SLC9A9: variants seen among roughly 807,000 people sequenced by gnomAD.
The protein encoded by SLC9A9 is solute carrier family 9 member A9, also known as sodium/hydrogen exchanger 9.
Under a neutral mutation model 77.8 loss-of-function variants are expected in SLC9A9, and 62 were observed. The observed-to-expected ratio is 0.80, with a 90% CI of 0.65 to 0.98. The LOEUF (loss-of-function observed/expected upper bound fraction) is 0.98, where lower values mean the gene tolerates loss of function less well. SLC9A9 is among the 50% of genes least tolerant of loss of function. The probability of loss-of-function intolerance (pLI) is 0.00; values close to 1 mark genes in which losing one functional copy is unlikely to be tolerated. For missense variants in SLC9A9, 775 were observed against 774.9 expected (o/e 1.00, Z 0.00); for synonymous variants, 320 against 283.5 (o/e 1.13, Z -1.29).
chr3:143,317,797 G>A (rs1403519532), intron 14 of SLC9A9, among the ~76,000 whole-genome samples: 1 of 152,066 alleles, frequency 6.6e-6, no homozygotes, highest in South Asian at 2.1e-4. Flanking sequence ...GAGTGATCTT[G>A]GCTCACTGCA....
chr3:143,287,371 T>C (rs533858040), intron 14 of SLC9A9, among the ~76,000 whole-genome samples: 3 of 151,974 alleles, frequency 2.0e-5, no homozygotes, highest in Non-Finnish European at 4.4e-5. Flanking sequence ...GGGGTAGACA[T>C]CAAAAAGTGC....
intron 6 of SLC9A9, among the ~76,000 whole-genome samples, chr3:143,602,470 CTTAG>C (rs1283334668): frequency 6.6e-6 from 1 of 152,196 alleles, no homozygotes; most frequent in East Asian, 1.9e-4. Flanking sequence ...TTTACAAGGA[CTTAG>C]TTAATTTTAA....
chr3:143,766,082 T>C (rs2007304823), intron 4 of SLC9A9, among the ~76,000 whole-genome samples: 1 of 152,152 alleles, frequency 6.6e-6, no homozygotes, highest in South Asian at 2.1e-4. Context: ...AGCCCTGACC[T>C]GCGGACTCTT....
chr3:143,810,358 A>C (rs1438878086), intron 2 of SLC9A9, among the ~76,000 whole-genome samples: 1 of 152,252 alleles, frequency 6.6e-6, no homozygotes, highest in Non-Finnish European at 1.5e-5. Flanking sequence ...GTTCCACTGA[A>C]CTACTAAATA....
chr3:143,304,368 C>T (rs957968710), intron 14 of SLC9A9, among the ~76,000 whole-genome samples: 2 of 152,198 alleles, frequency 1.3e-5, no homozygotes, highest in South Asian at 2.1e-4. Context: ...ATATGTTTGA[C>T]TCCAGAAGCA....
chr3:143,404,588 C>A (rs2033935293), intron 12 of SLC9A9, among the ~76,000 whole-genome samples: 1 of 152,156 alleles, frequency 6.6e-6, no homozygotes, highest in Non-Finnish European at 1.5e-5. Flanking sequence ...GCCCGCCCCA[C>A]ACATACTCTT....
chr3:143,491,953 A>C (rs2035754020), intron 11 of SLC9A9, among the ~76,000 whole-genome samples: 1 of 152,172 alleles, frequency 6.6e-6, no homozygotes, highest in Non-Finnish European at 1.5e-5. Context: ...TCTCATAATA[A>C]AAGTCAACTC....
intron 6 of SLC9A9, chr3:143,626,736 T>C (rs887208992): frequency 6.6e-6 from 1 of 152,032 alleles, no homozygotes; most frequent in African/African-American, 2.4e-5. Context: ...CTGGACGTTG[T>C]GCACATGTAC....
intron 11 of SLC9A9, among the ~76,000 whole-genome samples, chr3:143,477,252 T>G (rs838633): frequency 0.02 from 3,018 of 152,182 alleles, 41 homozygotes; most frequent in Non-Finnish European, 0.03. Context: ...TTGGCTTTCT[T>G]TCTCCTTTCA....
chr3:143,510,411 C>A (rs901460925), intron 9 of SLC9A9, among the ~76,000 whole-genome samples: 3 of 151,978 alleles, frequency 2.0e-5, no homozygotes, highest in African/African-American at 7.3e-5. Context: ...AAATTAAATA[C>A]CCGAGATATT....
chr3:143,750,101 A>G (rs2006659542), intron 4 of SLC9A9, among the ~76,000 whole-genome samples: 1 of 152,216 alleles, frequency 6.6e-6, no homozygotes, highest in African/African-American at 2.4e-5. Context: ...AAGAGACTCT[A>G]AAGTCAGCTT....
At chr3:143,594,298 G>A (rs141902500) in intron 6 of SLC9A9, among the ~76,000 whole-genome samples, 4 of 152,238 alleles carry the variant, frequency 2.6e-5, no homozygotes, top group South Asian at 4.1e-4. Context: ...CAAAATGTTC[G>A]ATGTTGAAAT....
chr3:143,391,750 C>T (rs1408010159), intron 12 of SLC9A9, among the ~76,000 whole-genome samples: 2 of 152,130 alleles, frequency 1.3e-5, no homozygotes, highest in Non-Finnish European at 2.9e-5. Context: ...GTAGAGAAGT[C>T]CTTAAATGAC....
At position 143,571,032 on chromosome 3, in the gene SLC9A9, C is replaced by A. The variant is rs186336334; in HGVS notation, c.1000+3056G>T. On this transcript the variant is annotated intron_variant, in intron 8 of 15. Transcript: ENST00000316549. ...TTTCAAATAGAATTGTATGTGATAT[C>A]CCAATTTCTGAAACCAATAAAAGGG... is the stretch of plus-strand genomic sequence containing the variant. Among the ~76,000 whole-genome samples, 935 of 152,064 alleles carry A rather than the reference C, an allele frequency of 6.1e-3. 7 individuals carry two copies. The highest frequency in any genetic ancestry group is 0.022 in the South Asian group (107 of 4,818).
intron 4 of SLC9A9, among the ~76,000 whole-genome samples, chr3:143,742,714 A>G (rs1234375368): frequency 6.6e-6 from 1 of 152,206 alleles, no homozygotes; most frequent in Non-Finnish European, 1.5e-5. Context: ...CTATCAATTA[A>G]TAATATACCA....
chr3:143,623,588 C>T (rs144796755), intron 6 of SLC9A9, among the ~76,000 whole-genome samples: 1 of 151,850 alleles, frequency 6.6e-6, no homozygotes, highest in African/African-American at 2.4e-5. Context: ...CACAACATAC[C>T]AGAATCTCTG....
chr3:143,271,395 A>T (rs1415654071), intron 14 of SLC9A9, among the ~76,000 whole-genome samples: 1 of 152,206 alleles, frequency 6.6e-6, no homozygotes, highest in African/African-American at 2.4e-5. Flanking sequence ...TTATCCTCTG[A>T]GCCTCAGGCT....
intron 14 of SLC9A9, among the ~76,000 whole-genome samples, chr3:143,319,184 C>T (rs1018658921): frequency 2.0e-5 from 3 of 152,128 alleles, no homozygotes; most frequent in African/African-American, 4.8e-5. Context: ...GTCCCTGGTA[C>T]CTGATTTGAC....
chr3:143,613,809 C>T (rs748061190), intron 6 of SLC9A9, among the ~76,000 whole-genome samples: 23 of 151,648 alleles, frequency 1.5e-4, no homozygotes, highest in Non-Finnish European at 3.2e-4. Flanking sequence ...TTTTTTATTC[C>T]ATTATTCTTT....
Sources: gnomAD v4.1 joint callset for allele counts (sites outside exome capture counted in the v4.1 genomes callset) on GRCh38, gnomAD v4.1.1 for gene constraint, MANE v1.5 for transcripts, NCBI Gene and HGNC (gene_info 2026-07-23, HGNC 2026-07-21) for gene names.